Variants in GLDC observed in about 807,000 individuals in gnomAD.
GLDC encodes glycine decarboxylase.
Under a neutral mutation model 121.3 loss-of-function variants are expected in GLDC, and 104 were observed. The observed-to-expected ratio is 0.86, with a 90% CI of 0.73 to 1.01. GLDC has a LOEUF of 1.01. GLDC is among the 50% of genes least tolerant of loss of function. GLDC has a pLI of 0.00. For synonymous variants in GLDC, 546 were observed against 480.6 expected, an observed-to-expected ratio of 1.14 and a Z score of -1.78; for missense variants, 1,429 against 1,306.6, an observed-to-expected ratio of 1.09 and a Z score of -1.44.
intron 2 of GLDC, among the ~76,000 whole-genome samples, chr9:6,641,693 G>A (rs1008641945): frequency 2.6e-5 from 4 of 152,180 alleles, no homozygotes; most frequent in Admixed American, 1.3e-4. Context: ...GCACGTTAAA[G>A]AGTGTCCAGT....
chr9:6,641,408 C>T (rs769924443), intron 2 of GLDC, among the ~76,000 whole-genome samples: 6 of 152,230 alleles, frequency 3.9e-5, no homozygotes, highest in Non-Finnish European at 7.3e-5. Flanking sequence ...TTGTGCACAT[C>T]TGTAAACTGG....
intron 12 of GLDC, 111 bp downstream of exon 12, chr9:6,589,084 C>T (rs1397862752): frequency 3.8e-6 from 3 of 785,564 alleles, no homozygotes; most frequent in East Asian, 2.4e-5. Flanking sequence ...GGAGCCACGG[C>T]TGAGCCAGAA....
intron 21 of GLDC, among the ~76,000 whole-genome samples, chr9:6,547,679 C>T (rs575400761): frequency 1.6e-4 from 24 of 152,226 alleles, no homozygotes; most frequent in African/African-American, 5.3e-4. Flanking sequence ...AGGATACTCA[C>T]GGCCACATTG....
intron 3 of GLDC, among the ~76,000 whole-genome samples, chr9:6,614,164 A>C (rs1818920231): frequency 6.6e-6 from 1 of 152,160 alleles, no homozygotes; most frequent in East Asian, 1.9e-4. Flanking sequence ...GCATTCTCTT[A>C]AACACTACAG....
Position 6,592,220 on chromosome 9 carries a change from C to G in GLDC, c.1405G>C (p.Gly469Arg), listed in dbSNP as rs1587950355. 1 of 1,587,958 alleles carries G rather than the reference C, an allele frequency of 6.3e-7. No individual in the cohort carries two copies. Among genetic ancestry groups the G allele is most frequent in the African/African-American group, 1.3e-5 (1 of 74,598 alleles). Residue 469 changes from glycine (G) to arginine (R), a missense_variant, in exon 11 of 25, where the codon GGT becomes CGT. Coordinates refer to ENST00000321612, the MANE Select transcript of GLDC (RefSeq NM_000170.3). ...NFRLFEDGTL[G>R]ISLDETVNEK... ...TTGACTGTTTCATCAAGAGAAATAC[C>G]AAGCTACAGAAACACAAACAAAATG... is the stretch of plus-strand genomic sequence containing the variant.
rs76153763 is a variant in GLDC at position 6,592,307 on chromosome 9, C to T, written c.1402-84G>A. On this transcript the variant is annotated intron_variant, in intron 10 of 24. Coordinates refer to ENST00000321612, the MANE Select transcript of GLDC (RefSeq NM_000170.3). ...ATCCCAAGAGAGGTCAAAGGGGAGA[C>T]AGTGCTAAACAAAATCCCATCATTC... 5,434 of 832,412 alleles carry T rather than the reference C, an allele frequency of 6.5e-3. 188 individuals are homozygous for T. The African/African-American group carries it at 0.078, about 12-fold the overall frequency. The allele number at this position is 832,412 out of a possible 1,614,324, so 51.6% of individuals were successfully genotyped here.
chr9:6,534,571 A>G lies in GLDC; in HGVS notation c.2919+137T>C, dbSNP rs12339602. 1.3e-3 allele frequency: 876 copies of G among 667,564 alleles called. 7 individuals are homozygous for G. The African/African-American group carries it at 0.014, about 11-fold the overall frequency. 41.4% of individuals were successfully genotyped at this position (667,564 alleles called of 1,614,324 possible). On this transcript the variant is annotated intron_variant, in intron 24 of 24. Coordinates refer to ENST00000321612, the MANE Select transcript of GLDC (RefSeq NM_000170.3). ...CTGAAAGCCAATTTCTTTGCTCCTC[A>G]TTCCTCTTCAAGACCCTTATTTCAC...
chr9:6,535,857 T>C, intron 23 of GLDC: 2 of 601,690 alleles, frequency 3.3e-6, no homozygotes, highest in East Asian at 5.9e-5. Flanking sequence ...GTGGACAGCT[T>C]CCACAACCAC....
chr9:6,573,173 G>T (rs1332959344), intron 15 of GLDC, among the ~76,000 whole-genome samples: 1 of 152,182 alleles, frequency 6.6e-6, no homozygotes, highest in East Asian at 1.9e-4. Flanking sequence ...TACTAGGGAG[G>T]CTGAGACACA....
At chr9:6,580,186 C>T (rs1260059842) in intron 15 of GLDC, among the ~76,000 whole-genome samples, 1 of 152,154 alleles carries the variant, frequency 6.6e-6, no homozygotes, top group Admixed American at 6.5e-5. Context: ...TCTCTTCAGG[C>T]CCCAAAGAAC....
intron 8 of GLDC, among the ~76,000 whole-genome samples, chr9:6,596,760 G>A (rs974960205): frequency 3.9e-5 from 6 of 152,256 alleles, no homozygotes; most frequent in Non-Finnish European, 8.8e-5. Context: ...GTGAAAATAC[G>A]GAGAAATTAG....
rs775879413 is a variant in GLDC at position 6,645,380 on chromosome 9, G to T, written c.120C>A (p.Gly40=). 6.5e-7 allele frequency: 1 copy of T among 1,536,166 alleles called. No individual in the cohort carries two copies. ...WAPRSRDSSS[G]GGDSAAAGAS... ...CCCCAGCCGCGGCGCTGTCCCCGCCGCCACTGCTGCTGTCCCGGCTCCGCG... is the reference window on the plus strand; with the variant it reads ...CCCCAGCCGCGGCGCTGTCCCCGCCTCCACTGCTGCTGTCCCGGCTCCGCG... Residue 40 remains glycine, a synonymous_variant, in exon 1 of 25, where the codon GGC becomes GGA. Coordinates refer to ENST00000321612, the MANE Select transcript of GLDC (RefSeq NM_000170.3).
chr9:6,554,315 A>G (rs75709091), intron 19 of GLDC, among the ~76,000 whole-genome samples: 3 of 152,296 alleles, frequency 2.0e-5, no homozygotes, highest in African/African-American at 7.2e-5. Flanking sequence ...GAAAAAAAAA[A>G]TGCTAGGAAA....
chr9:6,553,513 T>TA lies in GLDC; in HGVS notation c.2316-5dup. 3.1e-6 allele frequency: 5 copies of TA among 1,598,124 alleles called. No homozygotes were observed. The highest frequency in any genetic ancestry group is 4.3e-6 in the Non-Finnish European group (5 of 1,170,474). ...AAACGGGGCGAGATGTTTCTTCCTG[T>TA]ATTTTTTTTAAGTGCAAATTCAGAA... On this transcript the variant is annotated splice_region_variant and splice_polypyrimidine_tract_variant and intron_variant, in intron 19 of 24. Coordinates refer to ENST00000321612, the MANE Select transcript of GLDC (RefSeq NM_000170.3).
intron 21 of GLDC, among the ~76,000 whole-genome samples, chr9:6,544,912 C>T (rs1817355013): frequency 6.6e-6 from 1 of 151,998 alleles, no homozygotes; most frequent in South Asian, 2.1e-4. Flanking sequence ...CCAGCCTGAC[C>T]AACAAGGAGA....
chr9:6,556,518 T>TGTGGTG (rs1229168283), intron 17 of GLDC, among the ~76,000 whole-genome samples: 1 of 151,946 alleles, frequency 6.6e-6, no homozygotes, highest in Non-Finnish European at 1.5e-5. Flanking sequence ...CCTGGCTGGG[T>TGTGGTG]GTGGTGGCTC....
intron 16 of GLDC, among the ~76,000 whole-genome samples, chr9:6,563,116 A>G (rs1283105887): frequency 6.6e-6 from 1 of 152,180 alleles, no homozygotes; most frequent in African/African-American, 2.4e-5. Flanking sequence ...GGAAAACACA[A>G]AGAGAGGGAA....
chr9:6,541,555 G>C (rs886162051), intron 21 of GLDC: 1 of 152,078 alleles, frequency 6.6e-6, no homozygotes. Context: ...GGGCTCATTG[G>C]CTCACACCTG....
chr9:6,553,913 C>T (rs538344164), intron 19 of GLDC, among the ~76,000 whole-genome samples: 94 of 152,154 alleles, frequency 6.2e-4, no homozygotes, highest in African/African-American at 2.1e-3. Flanking sequence ...ACCTCCCTGA[C>T]AGCTGAAGCA....
Sources: gnomAD v4.1 joint callset for allele counts (sites outside exome capture counted in the v4.1 genomes callset) on GRCh38, gnomAD v4.1.1 for gene constraint, MANE v1.5 for transcripts, NCBI Gene and HGNC (gene_info 2026-07-23, HGNC 2026-07-21) for gene names.